The following UBXN2A variants were observed in gnomAD, a reference collection of about 807,000 sequenced individuals.
The protein encoded by UBXN2A is UBX domain protein 2A.
In UBXN2A, 28 loss-of-function variants were observed where a neutral mutation model predicts 28.4. That is an observed-to-expected ratio of 0.99 (90% CI 0.73 to 1.35). The LOEUF (loss-of-function observed/expected upper bound fraction) is 1.35, where lower values mean the gene tolerates loss of function less well. Among genes scored for constraint, UBXN2A ranks in the 40% most tolerant of loss-of-function variants. UBXN2A has a pLI of 0.00. For missense variants in UBXN2A, 253 were observed against 297.9 expected, an observed-to-expected ratio of 0.85 and a Z score of 1.11; for synonymous variants, 97 against 103.6, an observed-to-expected ratio of 0.94 and a Z score of 0.39.
intron 6 of UBXN2A, among the ~76,000 whole-genome samples, chr2:23,998,835 C>T (rs753478250): frequency 2.6e-5 from 4 of 152,120 alleles, no homozygotes; most frequent in Non-Finnish European, 2.9e-5. Flanking sequence ...GATCAACCTT[C>T]GTCTCCCTCC....
chr2:23,992,995 TTAGC>T, intron 6 of UBXN2A, among the ~76,000 whole-genome samples: 1 of 152,224 alleles, frequency 6.6e-6, no homozygotes, highest in East Asian at 1.9e-4. Context: ...GTGGATTTCT[TTAGC>T]TACCATCTAC....
chr2:23,928,400 A>AC (rs1042965452), intron 1 of UBXN2A, among the ~76,000 whole-genome samples: 3 of 152,058 alleles, frequency 2.0e-5, no homozygotes, highest in Admixed American at 6.5e-5. Flanking sequence ...ACATGGTGAA[A>AC]CCCCCTCTCT....
intron 3 of UBXN2A, among the ~76,000 whole-genome samples, chr2:23,974,589 G>T (rs913981856): frequency 6.6e-6 from 1 of 151,588 alleles, no homozygotes; most frequent in Non-Finnish European, 1.5e-5. Context: ...CTCATGATCC[G>T]CCTGCCTCGG....
At chr2:23,955,778 T>A (rs972416033) in intron 1 of UBXN2A, among the ~76,000 whole-genome samples, 1 of 152,252 alleles carries the variant, frequency 6.6e-6, no homozygotes, top group Non-Finnish European at 1.5e-5. Flanking sequence ...GTTATAATCT[T>A]ATGGGACCAC....
At chr2:23,951,151 A>G (rs567565749) in intron 1 of UBXN2A, among the ~76,000 whole-genome samples, 7 of 152,076 alleles carry the variant, frequency 4.6e-5, no homozygotes, top group African/African-American at 1.7e-4. Context: ...TCCTTCTGCT[A>G]TTTTGAAGCA....
intron 2 of UBXN2A, among the ~76,000 whole-genome samples, chr2:23,961,068 A>G (rs985977203): frequency 6.6e-6 from 1 of 151,816 alleles, no homozygotes; most frequent in African/African-American, 2.4e-5. Flanking sequence ...GTTGTAGAGC[A>G]TGTATCAGTA....
rs766100627 is a variant in UBXN2A at position 23,999,916 on chromosome 2, T to G, written c.*49T>G. 6.3e-7 allele frequency: 1 copy of G among 1,583,220 alleles called. No individual in the cohort carries two copies. ...TTTGCAGAGAAATGATGGTTGTAAG[T>G]GGACATGCAAACCAAAATTGGGGAT... On this transcript the variant is annotated 3_prime_UTR_variant, in exon 7 of 7. Transcript: ENST00000309033.
chr2:24,004,865 G>GA lies in UBXN2A; in HGVS notation c.*5000dup, dbSNP rs1708770525. 1 of 152,136 alleles carries GA rather than the reference G, an allele frequency of 6.6e-6. No individual in the cohort carries two copies. The allele number at this position is 152,136 out of a possible 1,614,324, so 9.4% of individuals were successfully genotyped here. On this transcript the variant is annotated 3_prime_UTR_variant, in exon 7 of 7. Transcript: ENST00000309033. ...GAGCAATCTTTTGCTGACAGTTGAAGAACTGTTAATGAAATACTGTTCATT... is the reference window on the plus strand; with the variant it reads ...GAGCAATCTTTTGCTGACAGTTGAAGAAACTGTTAATGAAATACTGTTCATT...
intron 1 of UBXN2A, among the ~76,000 whole-genome samples, chr2:23,957,431 T>C (rs1431152707): frequency 6.6e-6 from 1 of 152,178 alleles, no homozygotes; most frequent in South Asian, 2.1e-4. Context: ...GCCTTCTGAA[T>C]AACTGGGACT....
At chr2:23,949,328 G>A (rs1358023471) in intron 1 of UBXN2A, among the ~76,000 whole-genome samples, 2 of 151,046 alleles carry the variant, frequency 1.3e-5, no homozygotes, top group Admixed American at 6.6e-5. Flanking sequence ...TCCCAGCACT[G>A]TGGGAGGCCG....
At chr2:23,940,816 C>A (rs889452742) in intron 1 of UBXN2A, among the ~76,000 whole-genome samples, 168 bp downstream of exon 1, 2 of 151,956 alleles carry the variant, frequency 1.3e-5, no homozygotes, top group African/African-American at 4.8e-5. Context: ...CGGGAAGGGG[C>A]GCCGGCGGCG....
At chr2:23,957,253 C>T (rs1476552498) in intron 1 of UBXN2A, among the ~76,000 whole-genome samples, 6 of 151,992 alleles carry the variant, frequency 3.9e-5, no homozygotes, top group Non-Finnish European at 7.4e-5. Flanking sequence ...CCCACCTCAG[C>T]ACCTCAACTT....
chr2:23,981,420 G>T (rs1293335608), intron 4 of UBXN2A, among the ~76,000 whole-genome samples: 1 of 130,808 alleles, frequency 7.6e-6, no homozygotes, highest in Non-Finnish European at 1.6e-5. Context: ...CGCAGCTGCA[G>T]TGAGCCATGT....
intron 3 of UBXN2A, among the ~76,000 whole-genome samples, chr2:23,975,616 C>T (rs1287854755): frequency 1.3e-5 from 2 of 152,140 alleles, no homozygotes; most frequent in Non-Finnish European, 2.9e-5. Flanking sequence ...AGACTTATTA[C>T]TCCTTGACCC....
intron 2 of UBXN2A, among the ~76,000 whole-genome samples, chr2:23,967,720 C>CACT (rs1707234076): frequency 6.6e-6 from 1 of 152,106 alleles, no homozygotes; most frequent in South Asian, 2.1e-4. Context: ...AGGGGAAAAT[C>CACT]ACTAGTGTTA....
intron 2 of UBXN2A, among the ~76,000 whole-genome samples, chr2:23,964,372 G>A (rs141339954): frequency 0.021 from 3,145 of 152,150 alleles, 119 homozygotes; most frequent in African/African-American, 0.072. Flanking sequence ...CACCACACCC[G>A]GCTAATTTTG....
intron 6 of UBXN2A, among the ~76,000 whole-genome samples, chr2:23,989,326 CAG>C (rs1018633784): frequency 1.4e-5 from 2 of 140,466 alleles, no homozygotes; most frequent in Non-Finnish European, 3.0e-5. Flanking sequence ...TTTTTTGAGA[CAG>C]GGTCTCACTC....
chr2:23,977,171 C>G, intron 4 of UBXN2A, 96 bp downstream of exon 4: 1 of 907,128 alleles, frequency 1.1e-6, no homozygotes, highest in Non-Finnish European at 1.7e-6. Flanking sequence ...CAAGGCCAGC[C>G]GGGGAACATA....
chr2:23,933,802 G>A (rs1040498189), intron 1 of UBXN2A, among the ~76,000 whole-genome samples: 1 of 152,188 alleles, frequency 6.6e-6, no homozygotes, highest in African/African-American at 2.4e-5. Flanking sequence ...CAAGTCTATA[G>A]GGAGGCCATC....
Sources: gnomAD v4.1 joint callset for allele counts (sites outside exome capture counted in the v4.1 genomes callset) on GRCh38, gnomAD v4.1.1 for gene constraint, MANE v1.5 for transcripts, NCBI Gene and HGNC (gene_info 2026-07-23, HGNC 2026-07-21) for gene names.